VPS13B: variants seen among roughly 807,000 people sequenced by gnomAD.
VPS13B encodes vacuolar protein sorting 13 homolog B.
Under a neutral mutation model 426.4 loss-of-function variants are expected in VPS13B, and 285 were observed. The ratio of observed to expected loss-of-function variants is 0.67; its 90% confidence interval spans 0.61 to 0.74. The LOEUF (loss-of-function observed/expected upper bound fraction) is 0.74. Ranked by LOEUF, VPS13B falls within the 30% of genes least tolerant of loss-of-function variation. The pLI, the probability that VPS13B is intolerant of heterozygous loss-of-function variation, is 0.00. For missense variants in VPS13B, 4,537 were observed against 4,782.6 expected (o/e 0.95, Z 1.51); for synonymous variants, 1,676 against 1,676.4 (o/e 1.00, Z 0.01).
chr8:99,583,450 T>C (rs1484915962), intron 33 of VPS13B, among the ~76,000 whole-genome samples: 1 of 152,190 alleles, frequency 6.6e-6, no homozygotes, highest in Admixed American at 6.5e-5. Flanking sequence ...TAGAAAATAA[T>C]GCATTGGGCT....
intron 7 of VPS13B, among the ~76,000 whole-genome samples, chr8:99,119,822 A>G (rs371681389): frequency 3.3e-5 from 5 of 152,126 alleles, no homozygotes; most frequent in African/African-American, 1.2e-4. Flanking sequence ...AGATTTATCA[A>G]TGGAGAGTAG....
chr8:99,452,181 G>T (rs546928728), intron 23 of VPS13B, among the ~76,000 whole-genome samples: 19 of 152,040 alleles, frequency 1.2e-4, no homozygotes, highest in Admixed American at 2.0e-4. Flanking sequence ...TGTGTTCTTG[G>T]AATAAGCACA....
rs747097247 is a variant in VPS13B, at chr8:99,326,452, C to CTTT, written c.2824+51226_2824+51228dup. ...ATTTCTATCTATCATCTCTAGGTAG[C>CTTT]TTTTTTTTTTTTTTTTTTTTTTTTT... is the stretch of plus-strand genomic sequence containing the variant. On this transcript the variant is annotated intron_variant, in intron 19 of 61. Coordinates refer to ENST00000357162, the MANE Select transcript of VPS13B (RefSeq NM_152564.5). Among the ~76,000 whole-genome samples the CTTT allele has an allele frequency of 9.2e-4, 30 of 32,524 alleles. 9 individuals carry two copies. The highest frequency in any genetic ancestry group is 2.5e-3 in the South Asian group (1 of 396). The allele number at this position is 32,524 out of a possible 152,430, so 21.3% of individuals were successfully genotyped here.
At chr8:99,145,751 G>A (rs1298082200) in intron 13 of VPS13B, among the ~76,000 whole-genome samples, 1 of 152,038 alleles carries the variant, frequency 6.6e-6, no homozygotes, top group Admixed American at 6.5e-5. Flanking sequence ...TTCTAGTTTT[G>A]GGCTATTACA....
chr8:99,378,314 C>T lies in VPS13B; in HGVS notation c.2825-5894C>T, dbSNP rs139607496. 1.4e-4 allele frequency among the ~76,000 whole-genome samples: 22 copies of T among 152,210 alleles called. 1 individual carries two copies. The East Asian group carries it at 3.5e-3, about 24-fold the overall frequency. ...GCTATCTCTCTTGTTCCCTGAAAAT[C>T]GCTGTTTTCCTGTTCTTAAGGTGCC... is the stretch of plus-strand genomic sequence containing the variant. On this transcript the variant is annotated intron_variant, in intron 19 of 61. Transcript: ENST00000357162.
At chr8:99,232,586 T>G (rs1474008181) in intron 17 of VPS13B, among the ~76,000 whole-genome samples, 1 of 152,234 alleles carries the variant, frequency 6.6e-6, no homozygotes, top group African/African-American at 2.4e-5. Context: ...TTCTAAAACA[T>G]ATTACCGCTG....
At chr8:99,323,463 T>C (rs1413595344) in intron 19 of VPS13B, among the ~76,000 whole-genome samples, 1 of 152,194 alleles carries the variant, frequency 6.6e-6, no homozygotes, top group Non-Finnish European at 1.5e-5. Flanking sequence ...CATTTTTGCA[T>C]TGAGAAAACA....
intron 14 of VPS13B, among the ~76,000 whole-genome samples, chr8:99,153,980 C>T (rs777689716): frequency 1.3e-5 from 2 of 151,182 alleles, no homozygotes; most frequent in South Asian, 2.1e-4. Flanking sequence ...GTTTTTTCCT[C>T]TTAAAATACT....
At chr8:99,298,279 A>C (rs1040224975) in intron 19 of VPS13B, among the ~76,000 whole-genome samples, 1 of 152,154 alleles carries the variant, frequency 6.6e-6, no homozygotes, top group Non-Finnish European at 1.5e-5. Context: ...ATCTGAGGTC[A>C]GGAGTTCGAG....
intron 3 of VPS13B, among the ~76,000 whole-genome samples, chr8:99,045,232 T>G (rs1028835608): frequency 6.6e-6 from 1 of 152,234 alleles, no homozygotes; most frequent in Non-Finnish European, 1.5e-5. Flanking sequence ...TTTGATGTTT[T>G]GATTATGGCT....
At chr8:99,462,204 C>A (rs1021810637) in intron 23 of VPS13B, among the ~76,000 whole-genome samples, 5 of 139,870 alleles carry the variant, frequency 3.6e-5, no homozygotes, top group African/African-American at 1.3e-4. Context: ...CTTTTGTGTA[C>A]TGTATGCTAT....
At position 99,407,148 on chromosome 8, in the gene VPS13B, T is replaced by C. The variant is rs560114042; in HGVS notation, c.3082+15444T>C. The stretch of plus-strand genomic sequence containing the variant: ...TGGAACTAAAGGAGGAAGACCCTTT[T>C]CAGAACTGTGAGTAAATCTTTATAG... On this transcript the variant is annotated intron_variant, in intron 21 of 61. Transcript: ENST00000357162. Among the ~76,000 whole-genome samples the C allele has an allele frequency of 2.3e-3, 348 of 152,264 alleles. 1 individual carries two copies. Among genetic ancestry groups the C allele is most frequent in the African/African-American group, 8.1e-3 (336 of 41,568 alleles).
intron 39 of VPS13B, among the ~76,000 whole-genome samples, chr8:99,728,392 G>T (rs1474560863): frequency 1.3e-5 from 2 of 152,174 alleles, no homozygotes; most frequent in Non-Finnish European, 2.9e-5. Flanking sequence ...GAGGAGTGGG[G>T]ATAATGTGTG....
At chr8:99,471,442 CTTAAG>C (rs1285220944) in intron 24 of VPS13B, among the ~76,000 whole-genome samples, 1 of 151,988 alleles carries the variant, frequency 6.6e-6, no homozygotes, top group Non-Finnish European at 1.5e-5. Flanking sequence ...AATATAAACT[CTTAAG>C]TAGACCGAAA....
intron 5 of VPS13B, among the ~76,000 whole-genome samples, chr8:99,105,481 C>T (rs776210096): frequency 2.0e-5 from 3 of 152,052 alleles, no homozygotes; most frequent in African/African-American, 4.8e-5. Flanking sequence ...CGGGTTCAAG[C>T]GATTCTCCTG....
rs200635121 is a variant in VPS13B, at chr8:99,135,721, A to C, written c.1551A>C (p.Ser517=). The change falls in exon 11 of 62, where the codon TCA becomes TCC. Residue 517 remains serine, a synonymous_variant. Transcript: ENST00000357162. Reference sequence around the variant, plus strand: ...CTCGCGCAGAATTTATCTTGGATTCAACTCATCATAAGGTTAGAGAATATA... The same window carrying C: ...CTCGCGCAGAATTTATCTTGGATTCCACTCATCATAAGGTTAGAGAATATA... ...NGTRAEFILD[S]THHKETYTEI... 26 of 1,613,290 alleles carry C rather than the reference A, an allele frequency of 1.6e-5. No homozygotes were observed. In the Admixed American group the frequency reaches 2.8e-4, roughly 18 times the overall value.
At chr8:99,779,100 A>G in intron 42 of VPS13B, 69 bp downstream of exon 42, 1 of 1,380,674 alleles carries the variant, frequency 7.2e-7, no homozygotes. Context: ...GTATGCTATC[A>G]CTTCTGATAA....
chr8:99,016,754 C>T (rs774828218), intron 2 of VPS13B, among the ~76,000 whole-genome samples: 2 of 151,796 alleles, frequency 1.3e-5, no homozygotes, highest in African/African-American at 2.4e-5. Context: ...CCATGCCCGG[C>T]TAATTTTTTG....
chr8:99,132,559 C>T (rs535210086), intron 8 of VPS13B, among the ~76,000 whole-genome samples: 1 of 152,020 alleles, frequency 6.6e-6, no homozygotes, highest in Non-Finnish European at 1.5e-5. Context: ...GAATAGTAAA[C>T]CCTTTCAGGA....
Sources: allele counts gnomAD v4.1 joint callset (sites outside exome capture counted in the v4.1 genomes callset), GRCh38; gene constraint gnomAD v4.1.1; transcripts MANE v1.5; gene names NCBI Gene and HGNC (gene_info 2026-07-23, HGNC 2026-07-21).